FRMD3: variants seen among roughly 807,000 people sequenced by gnomAD.
FRMD3 encodes FERM domain-containing protein 3.
FRMD3 carries 33 observed loss-of-function variants against 70.2 expected under a neutral mutation model. The observed-to-expected ratio is 0.47, with a 90% CI of 0.36 to 0.63. FRMD3 has a LOEUF of 0.63. Among genes scored for constraint, FRMD3 ranks in the 20% least tolerant of loss-of-function variants. FRMD3 has a pLI of 0.00. For synonymous variants in FRMD3, 279 were observed against 255.9 expected (o/e 1.09, Z -0.86); for missense variants, 632 against 711.4 (o/e 0.89, Z 1.27).
the FRMD3 span, among the ~76,000 whole-genome samples, chr9:83,583,471 G>T: frequency 2.6e-5 from 4 of 152,106 alleles, no homozygotes; most frequent in African/African-American, 9.7e-5. Flanking sequence ...TTTTTCCAAA[G>T]GAAAGTACAT....
At chr9:83,268,170 T>C (rs777008815) in intron 13 of FRMD3, among the ~76,000 whole-genome samples, 11 of 152,224 alleles carry the variant, frequency 7.2e-5, no homozygotes, top group Non-Finnish European at 1.6e-4. Flanking sequence ...CCTCACACAA[T>C]TTCAACACGC....
At chr9:83,556,960 G>A in the FRMD3 span, among the ~76,000 whole-genome samples, 1 of 151,882 alleles carries the variant, frequency 6.6e-6, no homozygotes, top group African/African-American at 2.4e-5. Context: ...GAATGAAAAT[G>A]ACTTAAAAAT....
chr9:83,386,194 T>C (rs144718593), intron 2 of FRMD3, among the ~76,000 whole-genome samples: 18 of 152,272 alleles, frequency 1.2e-4, no homozygotes, highest in African/African-American at 3.4e-4. Flanking sequence ...TCAGGAGAGA[T>C]GGGATTTTTA....
intron 1 of FRMD3, among the ~76,000 whole-genome samples, chr9:83,438,539 A>G (rs1827204376): frequency 6.6e-6 from 1 of 152,160 alleles, no homozygotes; most frequent in African/African-American, 2.4e-5. Context: ...AGCTGGGATT[A>G]CAGGTGCCTG....
At chr9:83,294,579 A>G (rs1207751476) in intron 12 of FRMD3, among the ~76,000 whole-genome samples, 2 of 152,178 alleles carry the variant, frequency 1.3e-5, no homozygotes, top group East Asian at 3.9e-4. Flanking sequence ...TATAAACTTT[A>G]CCTCATCTTT....
chr9:83,386,620 T>C (rs1044994997), intron 2 of FRMD3, among the ~76,000 whole-genome samples: 2 of 152,194 alleles, frequency 1.3e-5, no homozygotes, highest in African/African-American at 4.8e-5. Flanking sequence ...GTAATCACAG[T>C]ACAACTATCA....
rs73481840 is a variant in FRMD3 at position 83,310,674 on chromosome 9, G to A, written c.774-126C>T. 1.5e-3 allele frequency: 1,050 copies of A among 692,620 alleles called. 8 individuals are homozygous for A. In the African/African-American group the frequency reaches 0.018, roughly 12 times the overall value. 42.9% of individuals were successfully genotyped at this position (692,620 alleles called of 1,614,324 possible). On this transcript the variant is annotated intron_variant, in intron 8 of 13. Coordinates refer to ENST00000304195, the MANE Select transcript of FRMD3 (RefSeq NM_174938.6). The stretch of plus-strand genomic sequence containing the variant: ...GCAGTGAAACAAGGTATTATCATTG[G>A]TGAAGGTCTAATGGGCAGTGAAAAG...
intron 1 of FRMD3, among the ~76,000 whole-genome samples, chr9:83,443,689 A>G (rs997276264): frequency 1.3e-5 from 2 of 152,194 alleles, no homozygotes; most frequent in Non-Finnish European, 2.9e-5. Flanking sequence ...TGGTATTTCT[A>G]GTTCCAGATC....
intron 3 of FRMD3, chr9:83,350,858 C>T (rs960033473): frequency 2.5e-5 from 14 of 552,286 alleles, no homozygotes; most frequent in Non-Finnish European, 3.0e-5. Context: ...AAGATCACTA[C>T]CGACTTGTAA....
intron 13 of FRMD3, among the ~76,000 whole-genome samples, chr9:83,272,327 C>T (rs900242829): frequency 1.3e-5 from 2 of 152,006 alleles, no homozygotes; most frequent in African/African-American, 4.8e-5. Context: ...GGGCTGGTCT[C>T]CAGCTCCTAA....
intron 1 of FRMD3, among the ~76,000 whole-genome samples, chr9:83,437,332 T>C (rs1444314577): frequency 1.3e-5 from 2 of 152,240 alleles, no homozygotes; most frequent in Non-Finnish European, 2.9e-5. Context: ...AAATTTTATC[T>C]CAGCATTGTT....
chr9:83,413,039 T>A (rs1826325595), intron 1 of FRMD3, among the ~76,000 whole-genome samples: 1 of 151,692 alleles, frequency 6.6e-6, no homozygotes, highest in Non-Finnish European at 1.5e-5. Flanking sequence ...AAAAGAAAGA[T>A]AAGAAAAAGA....
At chr9:83,383,518 T>C (rs1825421363) in intron 2 of FRMD3, among the ~76,000 whole-genome samples, 1 of 152,236 alleles carries the variant, frequency 6.6e-6, no homozygotes, top group African/African-American at 2.4e-5. Context: ...GACTTAAAGA[T>C]ATTTTTAAGA....
intron 1 of FRMD3, among the ~76,000 whole-genome samples, chr9:83,507,919 G>A (rs769808610): frequency 2.2e-4 from 33 of 151,264 alleles, no homozygotes; most frequent in African/African-American, 5.8e-4. Flanking sequence ...CAAGTACTAC[G>A]TACTGTACAT....
the FRMD3 span, among the ~76,000 whole-genome samples, chr9:83,561,950 C>T: frequency 6.6e-6 from 1 of 152,226 alleles, no homozygotes; most frequent in Non-Finnish European, 1.5e-5. Flanking sequence ...TCCTCCAGTG[C>T]CAGAAGCTCC....
rs769417567 is a variant in FRMD3, at chr9:83,335,657, A to G, written c.473-18T>C. 2 of 1,606,736 alleles carry G rather than the reference A, an allele frequency of 1.2e-6. No individual in the cohort carries two copies. The highest frequency in any genetic ancestry group is 4.5e-5 in the East Asian group (2 of 44,760). On this transcript the variant is annotated intron_variant, in intron 5 of 13. Coordinates refer to ENST00000304195, the MANE Select transcript of FRMD3 (RefSeq NM_174938.6). ...AAGCTCAGCTGTAATGAGTGAAAAAATAAAGAGACAGAGAAAGATTAAAAA... is the reference window on the plus strand; with the variant it reads ...AAGCTCAGCTGTAATGAGTGAAAAAGTAAAGAGACAGAGAAAGATTAAAAA...
At chr9:83,275,244 A>G (rs1212101582) in intron 13 of FRMD3, among the ~76,000 whole-genome samples, 2 of 152,180 alleles carry the variant, frequency 1.3e-5, no homozygotes, top group African/African-American at 2.4e-5. Context: ...TGAAAACACT[A>G]TGCCTGGGAT....
At chr9:83,305,077 A>G (rs912926652) in intron 10 of FRMD3, among the ~76,000 whole-genome samples, 1 of 152,222 alleles carries the variant, frequency 6.6e-6, no homozygotes, top group Admixed American at 6.5e-5. Context: ...CAGGTGAAGT[A>G]AAAATGGAAG....
chr9:83,524,057 T>C (rs529968896), intron 1 of FRMD3, among the ~76,000 whole-genome samples: 22 of 152,354 alleles, frequency 1.4e-4, no homozygotes, highest in African/African-American at 4.8e-4. Context: ...GAGCCTGACA[T>C]GGCAGTGGCT....
Sources: allele counts gnomAD v4.1 joint callset (sites outside exome capture counted in the v4.1 genomes callset), GRCh38; gene constraint gnomAD v4.1.1; transcripts MANE v1.5; gene names NCBI Gene and HGNC (gene_info 2026-07-23, HGNC 2026-07-21).